The following CMTM4 variants were observed in gnomAD, a reference collection of about 807,000 sequenced individuals.
The protein encoded by CMTM4 is CKLF-like MARVEL transmembrane domain-containing protein 4.
In CMTM4, 8 loss-of-function variants were observed where a neutral mutation model predicts 19.0. The ratio of observed to expected loss-of-function variants is 0.42; its 90% CI spans 0.25 to 0.76. The LOEUF (loss-of-function observed/expected upper bound fraction) is 0.76. Ranked by LOEUF, CMTM4 falls within the 30% of genes least tolerant of loss-of-function variation. The pLI is 0.27. For missense variants in CMTM4, 228 were observed against 290.2 expected (o/e 0.79, Z 1.56); for synonymous variants, 106 against 121.1 (o/e 0.88, Z 0.82).
chr16:66,683,601 A>G (rs1413942581), intron 1 of CMTM4, among the ~76,000 whole-genome samples: 2 of 151,746 alleles, frequency 1.3e-5, no homozygotes, highest in South Asian at 2.1e-4. Context: ...TTTATTAAAC[A>G]AACACATACA....
Position 66,683,191 on chromosome 16 carries a change from A to ATG in CMTM4, c.186+13148_186+13149insCA, listed in dbSNP as rs1567432344. Among the ~76,000 whole-genome samples, 33 of 96,178 alleles carry ATG rather than the reference A, an allele frequency of 3.4e-4. 1 individual carries two copies. Among genetic ancestry groups the ATG allele is most frequent in the African/African-American group, 1.0e-3 (31 of 29,560 alleles). The allele number at this position is 96,178 out of a possible 152,430, so 63.1% of individuals were successfully genotyped here. A position where few individuals can be genotyped will look rare whatever the true frequency, so the allele number is the denominator to read the frequency against. On this transcript the variant is annotated intron_variant, in intron 1 of 3. Coordinates refer to ENST00000394106, the MANE Select transcript of CMTM4 (RefSeq NM_181521.3). Reference sequence around the variant, plus strand: ...TATATATATACATATGTATATATATATACATATATATATATATATAAATTT... The same window carrying ATG: ...TATATATATACATATGTATATATATATGTACATATATATATATATATAAATTT...
rs1024082206 is a variant in CMTM4 at position 66,617,943 on chromosome 16, G to A, written c.*4115C>T. ...CAGGAAGGCAGTTAACAAAGTACAC[G>A]TTTCCAAGACAGCCTGAGCTGTCTA... On this transcript the variant is annotated 3_prime_UTR_variant, in exon 4 of 4. Coordinates refer to ENST00000394106, the MANE Select transcript of CMTM4 (RefSeq NM_181521.3). 12 of 987,038 alleles carry A rather than the reference G, an allele frequency of 1.2e-5. No homozygotes were observed. Among genetic ancestry groups the A allele is most frequent in the African/African-American group, 5.2e-5 (3 of 57,260 alleles). 61.1% of individuals were successfully genotyped at this position (987,038 alleles called of 1,614,324 possible).
intron 1 of CMTM4, among the ~76,000 whole-genome samples, chr16:66,690,508 C>T (rs1009462985): frequency 1.3e-5 from 2 of 152,170 alleles, no homozygotes; most frequent in African/African-American, 4.8e-5. Flanking sequence ...TAATGTATTA[C>T]TGCCCCACCC....
At chr16:66,632,377 G>A (rs542377657) in intron 2 of CMTM4, among the ~76,000 whole-genome samples, 1 of 152,212 alleles carries the variant, frequency 6.6e-6, no homozygotes, top group Non-Finnish European at 1.5e-5. Flanking sequence ...TGGACTGGGG[G>A]AAGGGGCAGG....
chr16:66,694,712 CAAAAAAAAAAAAA>C (rs752909314), intron 1 of CMTM4, among the ~76,000 whole-genome samples: 1 of 44,354 alleles, frequency 2.3e-5, no homozygotes, highest in Non-Finnish European at 4.5e-5. Context: ...GACTCCATCT[CAAAAAAAAAAAAA>C]AAAAAAAAAG....
At chr16:66,671,354 AGAGGCCGAAGGCCTCCT>A (rs1266146793) in intron 1 of CMTM4, among the ~76,000 whole-genome samples, 1 of 152,230 alleles carries the variant, frequency 6.6e-6, no homozygotes, top group Non-Finnish European at 1.5e-5. Flanking sequence ...GTGATGGTGA[AGAGGCCGAAGGCCTCCT>A]GAGATGGAAA....
At chr16:66,636,668 G>T in intron 1 of CMTM4, 87 bp from the exon 2 acceptor site, 1 of 1,076,816 alleles carries the variant, frequency 9.3e-7, no homozygotes, top group Non-Finnish European at 1.4e-6. Flanking sequence ...ATATAACACT[G>T]AACAACAACA....
chr16:66,606,476 C>T, the CMTM4 span, among the ~76,000 whole-genome samples: 1 of 152,102 alleles, frequency 6.6e-6, no homozygotes, highest in Admixed American at 6.5e-5. Context: ...GCACCCAAGG[C>T]CATGTGCAGA....
In CMTM4 at chr16:66,636,494, A is replaced by G; in HGVS notation, c.274T>C (p.Cys92Arg). The stretch of plus-strand genomic sequence containing the variant: ...ACGCCAGTCACCACAAACGCACTGC[A>G]GCTCACAAACTCAAAAAAGTAGAGG... Reference protein sequence around the residue: ...EGLYFFEFVSCSAFVVTGVLL... With the variant: ...EGLYFFEFVSRSAFVVTGVLL... Residue 92 changes from cysteine to arginine, a missense_variant, in exon 2 of 4, where the codon TGC (cysteine) becomes CGC (arginine). This residue lies in a region of CMTM4 where 200 missense variants were observed against 226.6 expected (regional missense o/e 0.88). Transcript: ENST00000394106. 6.2e-7 allele frequency: 1 copy of G among 1,614,226 alleles called. No individual in the cohort carries two copies. Among genetic ancestry groups the G allele is most frequent in the Non-Finnish European group, 8.5e-7 (1 of 1,180,024 alleles).
intron 1 of CMTM4, among the ~76,000 whole-genome samples, chr16:66,649,915 T>C (rs1447423759): frequency 1.3e-5 from 2 of 152,114 alleles, no homozygotes; most frequent in Admixed American, 6.5e-5. Context: ...TCAACCCTGA[T>C]CGTTTTGTGG....
chr16:66,642,015 T>C (rs995063096), intron 1 of CMTM4, among the ~76,000 whole-genome samples: 1 of 152,240 alleles, frequency 6.6e-6, no homozygotes, highest in Admixed American at 6.5e-5. Context: ...CACAATTTAA[T>C]TGATCCCCTA....
chr16:66,645,006 G>A (rs572274781), intron 1 of CMTM4, among the ~76,000 whole-genome samples: 60 of 152,250 alleles, frequency 3.9e-4, no homozygotes, highest in East Asian at 1.2e-3. Context: ...AAAATTGGCC[G>A]GGCACGGTGG....
At position 66,621,730 on chromosome 16, in the gene CMTM4, C is replaced by A; in HGVS notation, c.*328G>T. On this transcript the variant is annotated 3_prime_UTR_variant, in exon 4 of 4. Transcript: ENST00000394106. ...TCATATTTCCCCCCTCTTAGCAGCC[C>A]CATTTAATCCAAAGTCTTGTTACAA... The A allele has an allele frequency of 8.9e-7, 1 of 1,124,542 alleles. No individual in the cohort carries two copies. The highest frequency in any genetic ancestry group is 1.1e-6 in the Non-Finnish European group (1 of 912,892). 69.7% of individuals were successfully genotyped at this position (1,124,542 alleles called of 1,614,324 possible).
chr16:66,616,530 C>T lies in CMTM4; in HGVS notation c.*5528G>A, dbSNP rs371823946. 1 of 152,174 alleles carries T rather than the reference C, an allele frequency of 6.6e-6. No individual in the cohort carries two copies. Among genetic ancestry groups the T allele is most frequent in the African/African-American group, 2.4e-5 (1 of 41,436 alleles). 9.4% of individuals were successfully genotyped at this position (152,174 alleles called of 1,614,324 possible). On this transcript the variant is annotated 3_prime_UTR_variant, in exon 4 of 4. Transcript: ENST00000394106. Reference sequence around the variant, plus strand: ...TGAAAGAGTTGGGAACAGGCAGCCCCCTTTGGGCCTGGGTCAGCCTACGAG... The same window carrying T: ...TGAAAGAGTTGGGAACAGGCAGCCCTCTTTGGGCCTGGGTCAGCCTACGAG...
rs922656806 is a variant in CMTM4, at chr16:66,622,006, T to G, written c.*52A>C. On this transcript the variant is annotated 3_prime_UTR_variant, in exon 4 of 4. Coordinates refer to ENST00000394106, the MANE Select transcript of CMTM4 (RefSeq NM_181521.3). This position sits in a 1 kb window ranked among gnomAD's most constrained non-coding sequence, Gnocchi z 4.0. ...TCTGACAGGACAAGGGAAAGAAAACTTGACTGAGAGACAGGCACGAGGACG... is the reference window on the plus strand; with the variant it reads ...TCTGACAGGACAAGGGAAAGAAAACGTGACTGAGAGACAGGCACGAGGACG... 2.0e-6 allele frequency: 3 copies of G among 1,523,036 alleles called. No individual in the cohort carries two copies. Among genetic ancestry groups the G allele is most frequent in the Admixed American group, 4.2e-5 (2 of 47,854 alleles). 94.3% of individuals were successfully genotyped at this position (1,523,036 alleles called of 1,614,324 possible).
chr16:66,598,378 T>C, the CMTM4 span, among the ~76,000 whole-genome samples: 2 of 152,110 alleles, frequency 1.3e-5, no homozygotes, highest in South Asian at 2.1e-4. Context: ...ACTTCTCCTC[T>C]TTCAGCTTCT....
chr16:66,684,254 C>A (rs1368404239), intron 1 of CMTM4, among the ~76,000 whole-genome samples: 1 of 152,048 alleles, frequency 6.6e-6, no homozygotes, highest in Non-Finnish European at 1.5e-5. Flanking sequence ...CTTACTGAAA[C>A]CTCCACCTCC....
At chr16:66,652,804 A>G (rs1293234475) in intron 1 of CMTM4, among the ~76,000 whole-genome samples, 1 of 152,244 alleles carries the variant, frequency 6.6e-6, no homozygotes, top group Non-Finnish European at 1.5e-5. Context: ...GTTTGATGAT[A>G]TAACTGCACA....
intron 1 of CMTM4, among the ~76,000 whole-genome samples, chr16:66,666,524 G>C (rs1294725457): frequency 1.3e-5 from 2 of 152,202 alleles, no homozygotes; most frequent in African/African-American, 4.8e-5. Context: ...TCACGTATCT[G>C]ACAAAAGTCT....
Sources: gnomAD v4.1 joint callset for allele counts (sites outside exome capture counted in the v4.1 genomes callset) on GRCh38, gnomAD v4.1.1 for gene constraint, gnomAD v4.1.1 regional missense constraint, Gnocchi (gnomAD v3.1) non-coding constraint, MANE v1.5 for transcripts, NCBI Gene and HGNC (gene_info 2026-07-23, HGNC 2026-07-21) for gene names.